ASXL1: variants seen among roughly 807,000 people sequenced by gnomAD.
The protein encoded by ASXL1 is polycomb group protein ASXL1.
ASXL1 carries 65 observed loss-of-function variants against 89.1 expected under a neutral mutation model. The observed-to-expected ratio is 0.73, with a 90% confidence interval of 0.60 to 0.90. ASXL1 has a LOEUF of 0.90. Among genes scored for constraint, ASXL1 ranks in the 40% least tolerant of loss-of-function variants. The pLI, the probability that ASXL1 is intolerant of heterozygous loss-of-function variation, is 0.00. For synonymous variants in ASXL1, 739 were observed against 746.9 expected (o/e 0.99, Z 0.17); for missense variants, 1,786 against 1,942.9 (o/e 0.92, Z 1.52).
chr20:32,386,458 C>T (rs1349713789), intron 4 of ASXL1, among the ~76,000 whole-genome samples: 1 of 151,580 alleles, frequency 6.6e-6, no homozygotes, highest in Non-Finnish European at 1.5e-5. Flanking sequence ...TGTTCTGTTG[C>T]CCAGGCTGGA....
chr20:32,381,513 CTTTT>C (rs59213941), intron 4 of ASXL1, among the ~76,000 whole-genome samples: 2 of 131,396 alleles, frequency 1.5e-5, no homozygotes, highest in Non-Finnish European at 1.6e-5. Flanking sequence ...TTACCAAAAT[CTTTT>C]TTTTTTTTTT....
intron 4 of ASXL1, among the ~76,000 whole-genome samples, chr20:32,382,511 C>T (rs528475531): frequency 6.6e-6 from 1 of 151,116 alleles, no homozygotes; most frequent in South Asian, 2.1e-4. Flanking sequence ...TGCCTCATAC[C>T]TGTAATCCCA....
chr20:32,428,056 A>G (rs2011381866), intron 4 of ASXL1, 72 bp from the exon 5 acceptor site: 1 of 1,601,220 alleles, frequency 6.2e-7, no homozygotes, highest in Non-Finnish European at 8.5e-7. Context: ...AAGCATACAC[A>G]TTTAGGAATG....
chr20:32,434,091 C>A, intron 12 of ASXL1, 174 bp downstream of exon 12: 1 of 969,136 alleles, frequency 1.0e-6, no homozygotes, highest in Non-Finnish European at 1.5e-6. Context: ...TTCTTTTCTT[C>A]CTCACTTTTT....
Position 32,436,200 on chromosome 20 carries a change from A to G in ASXL1, c.3488A>G (p.Asp1163Gly), listed in dbSNP as rs780969167. ...CTTGGAAAAAACAGTGGCATGGTTG[A>G]TGGAAGCAGCCCCAGTTCTTTAAGG... ...HGLGKNSGMVDGSSPSSLRAL... is the reference protein window; with the variant it reads ...HGLGKNSGMVGGSSPSSLRAL... The change falls in exon 13 of 13, where the codon GAT (aspartate) becomes GGT (glycine). Residue 1163 changes from aspartate (D) to glycine (G), a missense_variant. This residue lies in a region of ASXL1 where 1,418 missense variants were observed against 1,427.8 expected (regional missense o/e 0.99). Transcript: ENST00000375687. 9 of 1,614,100 alleles carry G rather than the reference A, an allele frequency of 5.6e-6. No individual in the cohort carries two copies. The highest frequency in any genetic ancestry group is 4.4e-5 in the South Asian group (4 of 91,084).
Position 32,428,222 on chromosome 20 carries a change from C to T in ASXL1, c.347C>T (p.Ala116Val), listed in dbSNP as rs2123209446. 3 of 1,614,156 alleles carry T rather than the reference C, an allele frequency of 1.9e-6. No homozygotes were observed. The highest frequency in any genetic ancestry group is 2.5e-6 in the Non-Finnish European group (3 of 1,180,030). Residue 116 changes from alanine (A) to valine (V), a missense_variant, in exon 5 of 13, where the codon GCC becomes GTC. By Grantham distance (64) the Ala-to-Val change is moderately conservative. Coordinates refer to ENST00000375687, the MANE Select transcript of ASXL1 (RefSeq NM_015338.6). ...ADVESCGSNE[A>V]STVSGENDVS... is the part of the protein sequence containing the mutation. ...GTGGAGAGCTGTGGGTCTAATGAAG[C>T]CAGCACTGTGAGTGGTGAAAACGAT... is the stretch of plus-strand genomic sequence containing the variant.
At position 32,429,698 on chromosome 20, in the gene ASXL1, T is replaced by A; in HGVS notation, c.566-203T>A. On this transcript the variant is annotated intron_variant, in intron 7 of 12. Transcript: ENST00000375687. This position sits in a 1 kb window ranked among gnomAD's most constrained non-coding sequence, Gnocchi z 4.9. ...TGTAAAAGGTGTAGTGCTATACAAA[T>A]AAAGATGGCAGTTTGGCACCTGTAA... 2 of 749,278 alleles carry A rather than the reference T, an allele frequency of 2.7e-6. No individual in the cohort carries two copies. The highest frequency in any genetic ancestry group is 4.3e-6 in the Non-Finnish European group (2 of 468,970). 46.4% of individuals were successfully genotyped at this position (749,278 alleles called of 1,614,324 possible).
chr20:32,428,880 C>G, intron 6 of ASXL1: 1 of 291,716 alleles, frequency 3.4e-6, no homozygotes, highest in Non-Finnish European at 6.6e-6. Context: ...AGGCTAGTCT[C>G]GAATTCCTGA....
At chr20:32,426,465 A>G (rs550462033) in intron 4 of ASXL1, among the ~76,000 whole-genome samples, 1 of 152,166 alleles carries the variant, frequency 6.6e-6, no homozygotes, top group Admixed American at 6.5e-5. Flanking sequence ...ATAACTAAAA[A>G]TATTATTTAG....
intron 4 of ASXL1, among the ~76,000 whole-genome samples, chr20:32,378,156 A>G (rs1197417069): frequency 2.3e-5 from 1 of 44,416 alleles, no homozygotes; most frequent in African/African-American, 9.0e-5. Context: ...TGGCTGAGTA[A>G]TTTGTGTGTG....
intron 4 of ASXL1, among the ~76,000 whole-genome samples, chr20:32,419,771 T>C (rs1030223552): frequency 6.6e-6 from 1 of 151,466 alleles, no homozygotes; most frequent in Non-Finnish European, 1.5e-5. Flanking sequence ...AACCTCCGTC[T>C]CCCATTCAGG....
At chr20:32,391,875 G>T (rs547252382) in intron 4 of ASXL1, among the ~76,000 whole-genome samples, 3 of 151,826 alleles carry the variant, frequency 2.0e-5, no homozygotes, top group Non-Finnish European at 4.4e-5. Context: ...AGTCACTCCA[G>T]TTCTTTTCAG....
At chr20:32,408,792 A>T (rs1217461724) in intron 4 of ASXL1, among the ~76,000 whole-genome samples, 1 of 152,070 alleles carries the variant, frequency 6.6e-6, no homozygotes, top group Non-Finnish European at 1.5e-5. Context: ...GATTTTGATT[A>T]GGATTATGTT....
chr20:32,432,889 C>T lies in ASXL1; in HGVS notation c.989C>T (p.Thr330Ile). ...WRERLADGEF[T>I]HEMQVRIRQE... is the part of the protein sequence containing the mutation. The stretch of plus-strand genomic sequence containing the variant: ...GTTTATTTCTCCCTAGGTGAATTTA[C>T]TCATGAGATGCAAGTCAGGATACGA... Residue 330 changes from threonine to isoleucine, a missense_variant, in exon 11 of 13, where the codon ACT becomes ATT. Thr to Ile is a moderately conservative substitution (Grantham distance 89). Around this residue, in one of 3 missense-constraint regions of ASXL1, gnomAD observed 332 missense variants for 449.7 expected, o/e 0.74. Coordinates refer to ENST00000375687, the MANE Select transcript of ASXL1 (RefSeq NM_015338.6). 6.2e-7 allele frequency: 1 copy of T among 1,613,784 alleles called. No individual in the cohort carries two copies. The highest frequency in any genetic ancestry group is 8.5e-7 in the Non-Finnish European group (1 of 1,179,948).
Position 32,372,209 on chromosome 20 carries a change from CTT to C in ASXL1, c.252+3088_252+3089del, listed in dbSNP as rs1389453202. The stretch of plus-strand genomic sequence containing the variant: ...CCCCTTCATCTTAATTTTAATATAT[CTT>C]TGAATAAACACCATTGTATGAACCT... On this transcript the variant is annotated intron_variant, in intron 4 of 12. Transcript: ENST00000375687. 3.7e-6 allele frequency: 5 copies of C among 1,345,094 alleles called. No individual in the cohort carries two copies. In the African/African-American group the frequency reaches 7.4e-5, roughly 20 times the overall value. 83.3% of individuals were successfully genotyped at this position (1,345,094 alleles called of 1,614,324 possible). A position where few individuals can be genotyped will look rare whatever the true frequency, so the allele number is the denominator to read the frequency against.
At chr20:32,416,417 G>A (rs1176899058) in intron 4 of ASXL1, among the ~76,000 whole-genome samples, 1 of 152,076 alleles carries the variant, frequency 6.6e-6, no homozygotes, top group African/African-American at 2.4e-5. Context: ...CTGCCACCCT[G>A]GCCTGTTGCC....
At chr20:32,393,920 T>C (rs945433909) in intron 4 of ASXL1, among the ~76,000 whole-genome samples, 1 of 151,764 alleles carries the variant, frequency 6.6e-6, no homozygotes, top group African/African-American at 2.4e-5. Context: ...AACCTTTGCC[T>C]CCTGGGTTCA....
At chr20:32,393,712 C>T (rs1042974878) in intron 4 of ASXL1, among the ~76,000 whole-genome samples, 1 of 151,910 alleles carries the variant, frequency 6.6e-6, no homozygotes, top group Non-Finnish European at 1.5e-5. Flanking sequence ...CTTTGTGATC[C>T]GCCCACCTCA....
chr20:32,427,652 CATCCTTTTGGATGTGTTACTTCCCTG>C (rs2011363425), intron 4 of ASXL1: 1 of 193,154 alleles, frequency 5.2e-6, no homozygotes, highest in Non-Finnish European at 1.1e-5. Context: ...TTAAGCAACA[CATCCTTTTGGATGTGTTACTTCCCTG>C]ATCGTTATTC....
Sources: gnomAD v4.1 joint callset for allele counts (sites outside exome capture counted in the v4.1 genomes callset) on GRCh38, gnomAD v4.1.1 for gene constraint, gnomAD v4.1.1 regional missense constraint, Gnocchi (gnomAD v3.1) non-coding constraint, MANE v1.5 for transcripts, NCBI Gene and HGNC (gene_info 2026-07-23, HGNC 2026-07-21) for gene names.